The following TENM3 variants were observed in gnomAD, a reference collection of about 807,000 sequenced individuals.
The protein encoded by TENM3 is teneurin-3.
A neutral mutation model predicts 255.1 loss-of-function variants in TENM3; 63 were observed. The ratio of observed to expected loss-of-function variants is 0.25; its 90% CI spans 0.20 to 0.30. The LOEUF is 0.30. Ranked by LOEUF, TENM3 falls within the 10% of genes least tolerant of loss-of-function variation. The pLI, the probability that TENM3 is intolerant of heterozygous loss-of-function variation, is 1.00. For missense variants in TENM3, 2,929 were observed against 3,461.1 expected, an observed-to-expected ratio of 0.85 and a Z score of 3.86; for synonymous variants, 1,306 against 1,322.3, an observed-to-expected ratio of 0.99 and a Z score of 0.27.
intron 3 of TENM3, among the ~76,000 whole-genome samples, chr4:182,477,540 C>T (rs1183022030): frequency 1.3e-5 from 2 of 152,146 alleles, no homozygotes; most frequent in African/African-American, 4.8e-5. Context: ...GCCCTCCCAC[C>T]GGCCTCCTGA....
intron 1 of TENM3, among the ~76,000 whole-genome samples, chr4:182,193,481 C>T (rs1579663352): frequency 6.6e-6 from 1 of 152,178 alleles, no homozygotes; most frequent in African/African-American, 2.4e-5. Context: ...TTCATTCAAT[C>T]TATTACAAAC....
the TENM3 span, among the ~76,000 whole-genome samples, chr4:181,598,998 A>G: frequency 1.3e-5 from 2 of 152,158 alleles, no homozygotes; most frequent in African/African-American, 4.8e-5. Context: ...ATGTTAACCA[A>G]TGGACAGTCT....
At chr4:182,702,473 C>T (rs1305128939) in intron 12 of TENM3, among the ~76,000 whole-genome samples, 1 of 152,122 alleles carries the variant, frequency 6.6e-6, no homozygotes, top group East Asian at 1.9e-4. Context: ...AATACCAGCT[C>T]CCTCATGAGT....
rs1394664439 is a variant in TENM3 at position 182,631,377 on chromosome 4, T to C, written c.988+2488T>C. 2.0e-5 allele frequency: 3 copies of C among 152,372 alleles called. No homozygotes were observed. The East Asian group carries it at 5.8e-4, about 29-fold the overall frequency. The allele number at this position is 152,372 out of a possible 1,614,324, so 9.4% of individuals were successfully genotyped here. A position where few individuals can be genotyped will look rare whatever the true frequency, so the allele number is the denominator to read the frequency against. ...TCACTTTAATTAAGCACATGTGTGC[T>C]TCCAATTTTCATTGGTCTTCCTATA... On this transcript the variant is annotated intron_variant, in intron 5 of 27. Coordinates refer to ENST00000511685, the MANE Select transcript of TENM3 (RefSeq NM_001080477.4).
At chr4:182,363,763 T>A (rs966001649) in intron 3 of TENM3, among the ~76,000 whole-genome samples, 3 of 151,996 alleles carry the variant, frequency 2.0e-5, no homozygotes, top group Middle Eastern at 3.2e-3. Context: ...TGTGAAAAAA[T>A]TTTTAAGACT....
At chr4:182,254,156 T>G (rs1758219898) in intron 1 of TENM3, among the ~76,000 whole-genome samples, 1 of 152,218 alleles carries the variant, frequency 6.6e-6, no homozygotes, top group South Asian at 2.1e-4. Context: ...ATTCAAAACC[T>G]AATGCCCCTA....
intron 3 of TENM3, among the ~76,000 whole-genome samples, chr4:182,599,573 T>A (rs1747629529): frequency 6.6e-6 from 1 of 152,184 alleles, no homozygotes; most frequent in Admixed American, 6.5e-5. Flanking sequence ...TGATGTTATA[T>A]GCTATGAGAG....
At chr4:182,658,662 T>A (rs1277759165) in intron 6 of TENM3, among the ~76,000 whole-genome samples, 1 of 152,258 alleles carries the variant, frequency 6.6e-6, no homozygotes, top group Non-Finnish European at 1.5e-5. Context: ...ACTCAGTGGC[T>A]TAGAAAGCAA....
chr4:181,665,105 A>G, the TENM3 span, among the ~76,000 whole-genome samples: 9 of 152,136 alleles, frequency 5.9e-5, no homozygotes, highest in African/African-American at 1.7e-4. Context: ...AATGTCCCCA[A>G]GCTCGCATTC....
chr4:182,610,975 A>G (rs1057225644), intron 4 of TENM3, among the ~76,000 whole-genome samples: 1 of 149,278 alleles, frequency 6.7e-6, no homozygotes, highest in South Asian at 2.1e-4. Context: ...TCAAACTCCT[A>G]GGCTCATGTG....
intron 11 of TENM3, among the ~76,000 whole-genome samples, chr4:182,682,873 C>A (rs1180590267): frequency 2.6e-5 from 4 of 151,974 alleles, no homozygotes; most frequent in Non-Finnish European, 5.9e-5. Flanking sequence ...AAGATGAATA[C>A]ATATGAAAAA....
chr4:181,682,928 A>G, the TENM3 span, among the ~76,000 whole-genome samples: 1 of 151,984 alleles, frequency 6.6e-6, no homozygotes, highest in Admixed American at 6.6e-5. Flanking sequence ...AACTTTTAGA[A>G]TAAGGCTAGG....
chr4:182,471,972 C>T (rs1733166407), intron 3 of TENM3, among the ~76,000 whole-genome samples: 1 of 152,036 alleles, frequency 6.6e-6, no homozygotes, highest in Non-Finnish European at 1.5e-5. Context: ...TAGAATTTCT[C>T]TAAAAGTTAC....
At chr4:181,900,895 A>G in the TENM3 span, among the ~76,000 whole-genome samples, 1 of 152,228 alleles carries the variant, frequency 6.6e-6, no homozygotes, top group Admixed American at 6.5e-5. Flanking sequence ...AATGAGAGGC[A>G]TCTATTTCTG....
At chr4:182,599,747 T>TG (rs972403103) in intron 3 of TENM3, among the ~76,000 whole-genome samples, 4 of 152,226 alleles carry the variant, frequency 2.6e-5, no homozygotes, top group African/African-American at 9.6e-5. Flanking sequence ...AGCTAGTACT[T>TG]GTGTTTCCTA....
intron 3 of TENM3, among the ~76,000 whole-genome samples, chr4:182,383,651 C>T (rs934412436): frequency 3.3e-5 from 5 of 151,938 alleles, no homozygotes; most frequent in East Asian, 3.9e-4. Context: ...TTGGAATCCT[C>T]GGTGTCTTAT....
chr4:182,092,487 A>C, the TENM3 span, among the ~76,000 whole-genome samples: 1 of 152,146 alleles, frequency 6.6e-6, no homozygotes, highest in African/African-American at 2.4e-5. Flanking sequence ...ATCTTTGCAA[A>C]AAATTTAAAA....
In TENM3 at chr4:182,206,786, AG is replaced by A. The variant is rs769014490; in HGVS notation, c.-76+62033del. On this transcript the variant is annotated intron_variant, in intron 1 of 2. Coordinates refer to the TENM3 transcript ENST00000512480. ...GCTCAAGGAGTAAAAAATTAGCAGA[AG>A]TTACTGAGTATTCATCTGGGGGACT... Among the ~76,000 whole-genome samples the A allele has an allele frequency of 5.3e-5, 8 of 152,332 alleles. No homozygotes were observed. In the East Asian group the frequency reaches 1.2e-3, roughly 22 times the overall value.
chr4:182,452,215 A>G (rs532860832), intron 3 of TENM3, among the ~76,000 whole-genome samples: 60 of 152,154 alleles, frequency 3.9e-4, no homozygotes, highest in African/African-American at 1.4e-3. Context: ...TTCCTTAAGG[A>G]TATTTGAATG....
Sources: gnomAD v4.1 joint callset for allele counts (sites outside exome capture counted in the v4.1 genomes callset) on GRCh38, gnomAD v4.1.1 for gene constraint, MANE v1.5 for transcripts, NCBI Gene and HGNC (gene_info 2026-07-23, HGNC 2026-07-21) for gene names.